The following PAK1 variants were observed in gnomAD, a reference collection of about 807,000 sequenced individuals.
PAK1 encodes p21 (RAC1) activated kinase 1.
In PAK1, 29 loss-of-function variants were observed where a neutral mutation model predicts 67.4. That is an observed-to-expected ratio of 0.43 (90% CI 0.32 to 0.59). The LOEUF is 0.59. PAK1 is among the 20% of genes least tolerant of loss of function. PAK1 has a pLI of 0.07. For synonymous variants in PAK1, 223 were observed against 237.4 expected, an observed-to-expected ratio of 0.94 and a Z score of 0.56; for missense variants, 337 against 670.7, an observed-to-expected ratio of 0.50 and a Z score of 5.50.
intron 1 of PAK1, among the ~76,000 whole-genome samples, chr11:77,440,313 T>C (rs1296901402): frequency 6.6e-6 from 1 of 152,088 alleles, no homozygotes; most frequent in Non-Finnish European, 1.5e-5. Context: ...AGCAGGAGAA[T>C]AGTGTGAGGC....
chr11:77,379,017 T>C (rs1949470823), intron 4 of PAK1, among the ~76,000 whole-genome samples: 1 of 152,176 alleles, frequency 6.6e-6, no homozygotes, highest in African/African-American at 2.4e-5. Context: ...CTCTATATAA[T>C]ACCATGCTAT....
intron 1 of PAK1, among the ~76,000 whole-genome samples, chr11:77,456,861 C>T (rs780700351): frequency 7.9e-5 from 12 of 151,968 alleles, no homozygotes; most frequent in Non-Finnish European, 1.3e-4. Flanking sequence ...TCTGCCTCAG[C>T]CTCTCGAGTA....
chr11:77,449,330 T>C (rs1358763811), intron 1 of PAK1, among the ~76,000 whole-genome samples: 1 of 152,166 alleles, frequency 6.6e-6, no homozygotes, highest in Non-Finnish European at 1.5e-5. Context: ...GGCAGTGCGC[T>C]TAAAGAGAAA....
the PAK1 span, among the ~76,000 whole-genome samples, chr11:77,501,818 T>C: frequency 6.6e-6 from 1 of 152,216 alleles, no homozygotes; most frequent in Admixed American, 6.5e-5. Flanking sequence ...TCCAAACGTT[T>C]CTAACTGGAT....
At chr11:77,489,164 G>A in the PAK1 span, among the ~76,000 whole-genome samples, 14 of 152,044 alleles carry the variant, frequency 9.2e-5, no homozygotes, top group African/African-American at 3.4e-4. Flanking sequence ...TAGTGCTGAA[G>A]GACTATACTA....
chr11:77,496,019 CT>C, the PAK1 span, among the ~76,000 whole-genome samples: 67,489 of 126,014 alleles, frequency 0.54, 18,348 homozygotes, highest in African/African-American at 0.78. Flanking sequence ...GAACTGTACA[CT>C]TTTTTTTTTT....
chr11:77,486,839 T>C, the PAK1 span, among the ~76,000 whole-genome samples: 676 of 149,800 alleles, frequency 4.5e-3, 3 homozygotes, highest in African/African-American at 0.016. Context: ...TAAAATGCTC[T>C]GGGGTTCTAA....
chr11:77,338,466 G>GA (rs889813688), intron 11 of PAK1, among the ~76,000 whole-genome samples: 10 of 152,074 alleles, frequency 6.6e-5, no homozygotes, highest in Admixed American at 5.9e-4. Flanking sequence ...AAATTATGAT[G>GA]AAAAAGAATT....
chr11:77,433,415 A>G (rs1457841650), intron 1 of PAK1, among the ~76,000 whole-genome samples: 4 of 152,234 alleles, frequency 2.6e-5, no homozygotes, highest in Admixed American at 2.0e-4. Context: ...ACAAAATTGG[A>G]GAAAATATTT....
chr11:77,426,365 C>T (rs550113639), intron 1 of PAK1, among the ~76,000 whole-genome samples: 69 of 152,158 alleles, frequency 4.5e-4, no homozygotes, highest in Non-Finnish European at 6.8e-4. Flanking sequence ...ACTCCCACCT[C>T]CCACTGTTGG....
the PAK1 span, among the ~76,000 whole-genome samples, chr11:77,518,149 G>GAC: frequency 6.6e-6 from 1 of 151,990 alleles, no homozygotes; most frequent in Non-Finnish European, 1.5e-5. Context: ...ATTCAATCTA[G>GAC]TCTAAATTCC....
In PAK1 at chr11:77,322,326, TTTGGAGACTCTTTA is replaced by T; in HGVS notation, c.*934_*947del. 5.1e-6 allele frequency: 1 copy of T among 195,766 alleles called. No individual in the cohort carries two copies. Among genetic ancestry groups the T allele is most frequent in the East Asian group, 8.0e-5 (1 of 12,478 alleles). 12.1% of individuals were successfully genotyped at this position (195,766 alleles called of 1,614,324 possible). On this transcript the variant is annotated 3_prime_UTR_variant, in exon 15 of 15. Coordinates refer to ENST00000356341, the MANE Select transcript of PAK1 (RefSeq NM_002576.5). ...TCCAGAACTAACATGCAGTCTCTAA[TTTGGAGACTCTTTA>T]TTGTGACCAAAAGATTTGGACCATT... is the stretch of plus-strand genomic sequence containing the variant.
At chr11:77,497,869 C>A in the PAK1 span, among the ~76,000 whole-genome samples, 3 of 152,184 alleles carry the variant, frequency 2.0e-5, no homozygotes. Context: ...TTAATCTTCA[C>A]AATGGCAAGA....
chr11:77,451,022 C>T (rs1023313988), intron 1 of PAK1, among the ~76,000 whole-genome samples: 1 of 152,206 alleles, frequency 6.6e-6, no homozygotes, highest in Non-Finnish European at 1.5e-5. Context: ...TTTAAAACCA[C>T]AGAACAAGAA....
intron 1 of PAK1, among the ~76,000 whole-genome samples, chr11:77,396,809 G>C (rs572970519): frequency 6.6e-6 from 1 of 152,170 alleles, no homozygotes; most frequent in African/African-American, 2.4e-5. Flanking sequence ...CTACTTTCCA[G>C]CTTCCCTGCA....
intron 1 of PAK1, among the ~76,000 whole-genome samples, chr11:77,442,591 AAC>A (rs1457933317): frequency 3.9e-5 from 6 of 152,174 alleles, no homozygotes; most frequent in African/African-American, 1.2e-4. Flanking sequence ...AGTCCTGGGC[AAC>A]AGTTTGGCTG....
At chr11:77,371,067 AC>A (rs1261174343) in intron 5 of PAK1, among the ~76,000 whole-genome samples, 2 of 152,222 alleles carry the variant, frequency 1.3e-5, no homozygotes, top group Non-Finnish European at 2.9e-5. Flanking sequence ...AAATTGTGAG[AC>A]CAAGAGCAGA....
intron 5 of PAK1, among the ~76,000 whole-genome samples, chr11:77,361,940 T>C (rs1372952098): frequency 6.6e-6 from 1 of 152,162 alleles, no homozygotes; most frequent in Non-Finnish European, 1.5e-5. Flanking sequence ...GAATATTAAA[T>C]ATAATCTGTG....
intron 5 of PAK1, among the ~76,000 whole-genome samples, chr11:77,363,005 A>AC (rs1216064219): frequency 2.0e-5 from 3 of 152,266 alleles, no homozygotes; most frequent in African/African-American, 7.2e-5. Context: ...TATATCTTCA[A>AC]CATGATCAAA....
Sources: gnomAD v4.1 joint callset for allele counts (sites outside exome capture counted in the v4.1 genomes callset) on GRCh38, gnomAD v4.1.1 for gene constraint, MANE v1.5 for transcripts, NCBI Gene and HGNC (gene_info 2026-07-23, HGNC 2026-07-21) for gene names.